Variants in UGT3A1 observed in about 807,000 individuals in gnomAD.
UGT3A1 encodes the protein UDP glycosyltransferase family 3 member A1.
A neutral mutation model predicts 37.6 loss-of-function variants in UGT3A1; 40 were observed. The ratio of observed to expected loss-of-function variants is 1.06; its 90% CI spans 0.83 to 1.38. The LOEUF (loss-of-function observed/expected upper bound fraction) is 1.38. Ranked by LOEUF, UGT3A1 falls within the 40% of genes most tolerant of loss-of-function variation. The pLI, the probability that UGT3A1 is intolerant of heterozygous loss-of-function variation, is 0.00. For missense variants in UGT3A1, 642 were observed against 634.2 expected, an observed-to-expected ratio of 1.01 and a Z score of -0.13; for synonymous variants, 256 against 232.3, an observed-to-expected ratio of 1.10 and a Z score of -0.93.
intron 2 of UGT3A1, among the ~76,000 whole-genome samples, chr5:35,981,287 C>A (rs573902481): frequency 6.6e-6 from 1 of 152,294 alleles, no homozygotes; most frequent in South Asian, 2.1e-4. Context: ...TTATCACCAG[C>A]AATATCCCAG....
chr5:35,983,483 A>C (rs1740610545), intron 2 of UGT3A1, among the ~76,000 whole-genome samples: 1 of 152,064 alleles, frequency 6.6e-6, no homozygotes, highest in Non-Finnish European at 1.5e-5. Flanking sequence ...AAATAACGAA[A>C]CCAATTCTAC....
Position 35,954,418 on chromosome 5 carries a change from T to C in UGT3A1, c.1356A>G (p.Ala452=), listed in dbSNP as rs1322959776. 1 of 1,614,228 alleles carries C rather than the reference T, an allele frequency of 6.2e-7. No individual in the cohort carries two copies. The highest frequency in any genetic ancestry group is 1.7e-5 in the Admixed American group (1 of 60,032). The change falls in exon 7 of 7, where the codon GCA becomes GCG. Residue 452 remains alanine, a synonymous_variant. Coordinates refer to ENST00000274278, the MANE Select transcript of UGT3A1 (RefSeq NM_152404.4). ...GGTCGATCCAGCCCACCAGCCGCTG[T>C]GCGGGGCTCAGGGGCTGAGAGTGCA... ...VILHSQPLSP[A]QRLVGWIDHI...
At chr5:35,983,551 C>T (rs1355227249) in intron 2 of UGT3A1, among the ~76,000 whole-genome samples, 3 of 152,038 alleles carry the variant, frequency 2.0e-5, no homozygotes, top group African/African-American at 7.2e-5. Flanking sequence ...TTCTATAGGG[C>T]CAGCCATACT....
chr5:35,978,142 C>A (rs1415224616), intron 2 of UGT3A1, among the ~76,000 whole-genome samples: 1 of 152,166 alleles, frequency 6.6e-6, no homozygotes, highest in Non-Finnish European at 1.5e-5. Flanking sequence ...TCAAGAAGTT[C>A]TCCTGCCTCT....
chr5:35,992,100 G>C (rs996523210), upstream of UGT3A1, among the ~76,000 whole-genome samples: 8 of 152,154 alleles, frequency 5.3e-5, no homozygotes, highest in Non-Finnish European at 1.0e-4. Context: ...TTTCGGAAAG[G>C]CTTTCAGTGC....
In UGT3A1 at chr5:35,954,160, G is replaced by C; in HGVS notation, c.*42C>G. On this transcript the variant is annotated 3_prime_UTR_variant, in exon 7 of 7. Coordinates refer to ENST00000274278, the MANE Select transcript of UGT3A1 (RefSeq NM_152404.4). ...TGCTGGGGTGGGGAGAACCTTCAAA[G>C]GACCAGGGATGCCCTCCCCTCACCC... 1 of 1,592,028 alleles carries C rather than the reference G, an allele frequency of 6.3e-7. No individual in the cohort carries two copies. The highest frequency in any genetic ancestry group is 8.6e-7 in the Non-Finnish European group (1 of 1,167,550).
chr5:35,994,329 T>TGTG (rs752734156), upstream of UGT3A1, among the ~76,000 whole-genome samples: 1 of 89,590 alleles, frequency 1.1e-5, no homozygotes, highest in South Asian at 3.9e-4. Flanking sequence ...TTGTTTTGTT[T>TGTG]TGTTTGTGTG....
intron 4 of UGT3A1, among the ~76,000 whole-genome samples, chr5:35,958,329 A>G (rs1337240166): frequency 4.6e-5 from 7 of 152,146 alleles, no homozygotes; most frequent in Non-Finnish European, 8.8e-5. Flanking sequence ...TTCATCAATT[A>G]TTACTTCCAA....
At chr5:35,996,529 C>G (rs1024695564) in intron 2 of UGT3A1, among the ~76,000 whole-genome samples, 9 of 152,210 alleles carry the variant, frequency 5.9e-5, no homozygotes, top group East Asian at 1.9e-4. Flanking sequence ...GACCCAGGCT[C>G]TAAGTGTGAC....
chr5:35,954,559 C>A (rs1407733470), intron 6 of UGT3A1, 81 bp from the exon 7 acceptor site: 1 of 1,509,030 alleles, frequency 6.6e-7, no homozygotes, highest in South Asian at 1.3e-5. Flanking sequence ...AGCACACACA[C>A]AAGCATACAA....
chr5:35,955,700 G>C lies in UGT3A1; in HGVS notation c.1240C>G (p.Gln414Glu). 5 of 1,614,188 alleles carry C rather than the reference G, an allele frequency of 3.1e-6. No homozygotes were observed. Among genetic ancestry groups the C allele is most frequent in the Non-Finnish European group, 4.2e-6 (5 of 1,180,034 alleles). Reference sequence around the variant, plus strand: ...AGTGTCAGTGTGTCGGCTGTGACCTGATTCAACCGGATAGAGACACCATAA... The same window carrying C: ...AGTGTCAGTGTGTCGGCTGTGACCTCATTCAACCGGATAGAGACACCATAA... ...KNYGVSIRLN[Q>E]VTADTLTLTM... Residue 414 changes from glutamine to glutamate, a missense_variant, in exon 6 of 7, where the codon CAG (glutamine) becomes GAG (glutamate). Transcript: ENST00000274278.
chr5:35,970,849 A>T (rs1740007218), intron 2 of UGT3A1, among the ~76,000 whole-genome samples: 2 of 152,216 alleles, frequency 1.3e-5, no homozygotes, highest in Non-Finnish European at 2.9e-5. Context: ...ACTATTTTTA[A>T]ACCTAGCAAG....
chr5:35,956,379 C>T (rs922799676), intron 5 of UGT3A1, among the ~76,000 whole-genome samples: 2 of 152,190 alleles, frequency 1.3e-5, no homozygotes, highest in Non-Finnish European at 1.5e-5. Flanking sequence ...TGTTTCTCAA[C>T]AGAAATGTGG....
intron 2 of UGT3A1, among the ~76,000 whole-genome samples, chr5:35,971,764 T>C (rs528747356): frequency 1.3e-5 from 2 of 152,146 alleles, no homozygotes; most frequent in South Asian, 4.1e-4. Context: ...AGGGGCAAAC[T>C]GTAAACATTT....
intron 1 of UGT3A1, among the ~76,000 whole-genome samples, chr5:36,000,202 C>T (rs1741189669): frequency 6.6e-6 from 1 of 152,218 alleles, no homozygotes; most frequent in African/African-American, 2.4e-5. Context: ...TAAACATTAA[C>T]TGTCCCCTTA....
chr5:35,979,940 T>C (rs997227712), intron 2 of UGT3A1, among the ~76,000 whole-genome samples: 2 of 152,152 alleles, frequency 1.3e-5, no homozygotes, highest in Non-Finnish European at 2.9e-5. Context: ...CTTAAGACCA[T>C]CAGGTCTCAT....
chr5:35,999,933 A>T (rs1741182275), intron 1 of UGT3A1, among the ~76,000 whole-genome samples: 1 of 152,184 alleles, frequency 6.6e-6, no homozygotes, highest in South Asian at 2.1e-4. Context: ...CTAGAAAAAA[A>T]TTATGCCATT....
chr5:35,960,726 A>G (rs556458107), intron 4 of UGT3A1: 1 of 152,380 alleles, frequency 6.6e-6, no homozygotes, highest in South Asian at 2.1e-4. Context: ...TCTGGCATCC[A>G]GAAAGAACCA....
chr5:35,991,827 A>G (rs1740961133), upstream of UGT3A1, among the ~76,000 whole-genome samples: 1 of 152,236 alleles, frequency 6.6e-6, no homozygotes, highest in Non-Finnish European at 1.5e-5. Context: ...TCTTTAGAAG[A>G]TAACATTCAT....
Sources: gnomAD v4.1 joint callset for allele counts (sites outside exome capture counted in the v4.1 genomes callset) on GRCh38, gnomAD v4.1.1 for gene constraint, MANE v1.5 for transcripts, NCBI Gene and HGNC (gene_info 2026-07-23, HGNC 2026-07-21) for gene names.